FAF1: variants seen among roughly 807,000 people sequenced by gnomAD.
FAF1 encodes the protein Fas associated factor 1.
In FAF1, 25 loss-of-function variants were observed where a neutral mutation model predicts 92.5. The ratio of observed to expected loss-of-function variants is 0.27; its 90% confidence interval spans 0.20 to 0.38. The LOEUF is 0.38. Ranked by LOEUF, FAF1 falls within the 10% of genes least tolerant of loss-of-function variation. FAF1 has a pLI of 1.00. For synonymous variants in FAF1, 234 were observed against 273.2 expected (o/e 0.86, Z 1.42); for missense variants, 636 against 793.3 (o/e 0.80, Z 2.38).
At chr1:50,584,569 C>T (rs1651135719) in intron 10 of FAF1, 116 bp downstream of exon 10, 1 of 987,588 alleles carries the variant, frequency 1.0e-6, no homozygotes, top group Non-Finnish European at 1.5e-6. Context: ...TCTCTATTAT[C>T]TTATCTCCTC....
intron 6 of FAF1, among the ~76,000 whole-genome samples, chr1:50,714,149 T>C (rs984882340): frequency 1.3e-5 from 2 of 152,046 alleles, no homozygotes; most frequent in African/African-American, 4.8e-5. Context: ...ATATTCATTC[T>C]CTCTTCACTG....
At chr1:50,556,121 C>T (rs969564873) in intron 13 of FAF1, among the ~76,000 whole-genome samples, 1 of 151,428 alleles carries the variant, frequency 6.6e-6, no homozygotes, top group Non-Finnish European at 1.5e-5. Flanking sequence ...GCCTGTAGTC[C>T]CAGCTACTCG....
intron 18 of FAF1, among the ~76,000 whole-genome samples, chr1:50,470,084 A>C (rs1044710110): frequency 2.0e-5 from 3 of 152,204 alleles, no homozygotes; most frequent in Non-Finnish European, 4.4e-5. Context: ...TAAAAAAATA[A>C]AACTTAGTCT....
chr1:50,511,727 T>C (rs568187429), intron 15 of FAF1, among the ~76,000 whole-genome samples: 1 of 152,066 alleles, frequency 6.6e-6, no homozygotes, highest in East Asian at 1.9e-4. Flanking sequence ...TGTGTCTTTA[T>C]AGAATGATTT....
chr1:50,466,571 C>T (rs1646498743), intron 18 of FAF1, among the ~76,000 whole-genome samples: 1 of 152,094 alleles, frequency 6.6e-6, no homozygotes, highest in African/African-American at 2.4e-5. Context: ...ATAAAGAGAT[C>T]AAAGGACTGA....
intron 7 of FAF1, among the ~76,000 whole-genome samples, chr1:50,692,241 C>CCGTG (rs1656961832): frequency 7.8e-6 from 1 of 129,002 alleles, no homozygotes. Context: ...GAAGTATTTA[C>CCGTG]TGTGTGTGTG....
chr1:50,756,838 C>T (rs769194193), intron 4 of FAF1, among the ~76,000 whole-genome samples: 1 of 152,194 alleles, frequency 6.6e-6, no homozygotes, highest in Non-Finnish European at 1.5e-5. Context: ...GACTTATTCA[C>T]TATCACGAGA....
intron 1 of FAF1, among the ~76,000 whole-genome samples, chr1:50,935,213 T>C: frequency 6.6e-6 from 1 of 152,360 alleles, no homozygotes; most frequent in South Asian, 2.1e-4. Context: ...AAACTTTGTA[T>C]GCTGCCATCA....
chr1:50,760,333 A>C (rs1239003794), intron 4 of FAF1, among the ~76,000 whole-genome samples: 1 of 152,166 alleles, frequency 6.6e-6, no homozygotes, highest in African/African-American at 2.4e-5. Flanking sequence ...TGCACCAAGC[A>C]GACCTAAGAG....
At chr1:50,684,905 A>C (rs1656586916) in intron 7 of FAF1, among the ~76,000 whole-genome samples, 1 of 152,236 alleles carries the variant, frequency 6.6e-6, no homozygotes, top group Non-Finnish European at 1.5e-5. Flanking sequence ...CTCCTCGAAG[A>C]GTATATAGGC....
chr1:50,519,398 AG>A (rs1647382276), intron 15 of FAF1, among the ~76,000 whole-genome samples: 1 of 59,580 alleles, frequency 1.7e-5, no homozygotes, highest in Non-Finnish European at 3.3e-5. Flanking sequence ...GAGGGAGGGA[AG>A]GAGGGAGGGA....
chr1:50,487,806 A>T (rs1646785018), intron 17 of FAF1, among the ~76,000 whole-genome samples: 1 of 152,218 alleles, frequency 6.6e-6, no homozygotes, highest in Non-Finnish European at 1.5e-5. Context: ...ATGGGTTAGG[A>T]TTTCCAGTTA....
At chr1:50,678,617 T>TA (rs1415081964) in intron 7 of FAF1, among the ~76,000 whole-genome samples, 1 of 150,730 alleles carries the variant, frequency 6.6e-6, no homozygotes, top group Non-Finnish European at 1.5e-5. Context: ...CCGTCTCTAC[T>TA]AAAAATACAA....
chr1:50,557,755 T>TAA, intron 13 of FAF1, among the ~76,000 whole-genome samples: 1 of 152,292 alleles, frequency 6.6e-6, no homozygotes, highest in Middle Eastern at 3.4e-3. Context: ...TATTATTTAG[T>TAA]AAAAGGTCTG....
At chr1:50,719,149 G>A (rs1658307682) in intron 6 of FAF1, among the ~76,000 whole-genome samples, 1 of 152,148 alleles carries the variant, frequency 6.6e-6, no homozygotes, top group Non-Finnish European at 1.5e-5. Flanking sequence ...CTCAGGAACA[G>A]CATAAAAATA....
At chr1:50,792,773 G>A (rs1374351680) in intron 3 of FAF1, among the ~76,000 whole-genome samples, 1 of 152,164 alleles carries the variant, frequency 6.6e-6, no homozygotes, top group Non-Finnish European at 1.5e-5. Flanking sequence ...AGTTGGGAAT[G>A]ACATGGGGAG....
At chr1:50,501,457 C>T (rs1454422300) in intron 15 of FAF1, among the ~76,000 whole-genome samples, 1 of 152,082 alleles carries the variant, frequency 6.6e-6, no homozygotes, top group African/African-American at 2.4e-5. Flanking sequence ...GAGGTCAGGT[C>T]AAGACCATCC....
At chr1:50,721,593 TTAAGG>T (rs1219923090) in intron 6 of FAF1, among the ~76,000 whole-genome samples, 7 of 152,082 alleles carry the variant, frequency 4.6e-5, no homozygotes, top group Non-Finnish European at 5.9e-5. Context: ...ACAGGCCACT[TTAAGG>T]TCTCATTTTC....
At chr1:50,508,012 G>A (rs904467740) in intron 15 of FAF1, among the ~76,000 whole-genome samples, 2 of 152,120 alleles carry the variant, frequency 1.3e-5, no homozygotes, top group African/African-American at 2.4e-5. Flanking sequence ...AGTCATTAAC[G>A]AAATGCAAAT....
Sources: gnomAD v4.1 joint callset for allele counts (sites outside exome capture counted in the v4.1 genomes callset) on GRCh38, gnomAD v4.1.1 for gene constraint, MANE v1.5 for transcripts, NCBI Gene and HGNC (gene_info 2026-07-23, HGNC 2026-07-21) for gene names.